ANXA7: variants seen among roughly 807,000 people sequenced by gnomAD.
The protein encoded by ANXA7 is annexin A7.
ANXA7 carries 55 observed loss-of-function variants against 64.9 expected under a neutral mutation model. The observed-to-expected ratio is 0.85, with a 90% CI of 0.68 to 1.06. ANXA7 has a LOEUF of 1.06. ANXA7 is among the 50% of genes least tolerant of loss of function. ANXA7 has a pLI of 0.00. For missense variants in ANXA7, 548 were observed against 582.1 expected, an observed-to-expected ratio of 0.94 and a Z score of 0.60; for synonymous variants, 200 against 192.4, an observed-to-expected ratio of 1.04 and a Z score of -0.33.
intron 3 of ANXA7, among the ~76,000 whole-genome samples, chr10:73,397,602 C>T (rs906689916): frequency 3.9e-5 from 6 of 152,122 alleles, no homozygotes; most frequent in Admixed American, 2.6e-4. Context: ...GGATTACAGG[C>T]ATGCACCACC....
chr10:73,393,420 A>T (rs1271987485), intron 5 of ANXA7, among the ~76,000 whole-genome samples: 1 of 152,210 alleles, frequency 6.6e-6, no homozygotes, highest in African/African-American at 2.4e-5. Context: ...AAGCCAAAAG[A>T]ACAAAGCTGG....
At chr10:73,394,214 C>T (rs528296022) in intron 5 of ANXA7, among the ~76,000 whole-genome samples, 2 of 152,136 alleles carry the variant, frequency 1.3e-5, no homozygotes, top group Non-Finnish European at 2.9e-5. Flanking sequence ...GCAAACAACA[C>T]GTGCTGGAGA....
chr10:73,382,638 G>A (rs1370939350), intron 9 of ANXA7, among the ~76,000 whole-genome samples: 1 of 152,176 alleles, frequency 6.6e-6, no homozygotes, highest in Non-Finnish European at 1.5e-5. Flanking sequence ...GAGGCACAAT[G>A]TCTGGCCCTA....
intron 1 of ANXA7, chr10:73,408,163 T>G (rs1477849199): frequency 6.6e-6 from 1 of 152,072 alleles, no homozygotes; most frequent in African/African-American, 2.4e-5. Flanking sequence ...TACAAAAATA[T>G]TTTAAAAATT....
At chr10:73,391,702 C>T (rs576114105) in intron 5 of ANXA7, among the ~76,000 whole-genome samples, 10 of 152,086 alleles carry the variant, frequency 6.6e-5, no homozygotes, top group Admixed American at 4.6e-4. Context: ...GATAAACTGG[C>T]CCAACTTCCC....
rs1226506578 is a variant in ANXA7, at chr10:73,387,877, G to A, written c.539-94C>T. 5 of 987,054 alleles carry A rather than the reference G, an allele frequency of 5.1e-6. No homozygotes were observed. In the East Asian group the frequency reaches 1.3e-4, roughly 25 times the overall value. The allele number at this position is 987,054 out of a possible 1,614,324, so 61.1% of individuals were successfully genotyped here. On this transcript the variant is annotated intron_variant, in intron 6 of 12. Coordinates refer to ENST00000372921, the MANE Select transcript of ANXA7 (RefSeq NM_001156.5). ...TTTTTTTTTTTTTTTTTGAGACGGA[G>A]TTTGTCACCCAGACTGGGGGTGCAA...
intron 8 of ANXA7, 85 bp from the exon 9 acceptor site, chr10:73,383,430 G>T: frequency 7.2e-7 from 1 of 1,391,748 alleles, no homozygotes; most frequent in Non-Finnish European, 9.8e-7. Flanking sequence ...TCTTTGTTCT[G>T]TAGAACTAAA....
At chr10:73,402,115 A>C (rs2055675764) in intron 1 of ANXA7, among the ~76,000 whole-genome samples, 1 of 152,208 alleles carries the variant, frequency 6.6e-6, no homozygotes, top group Admixed American at 6.5e-5. Context: ...ACATTATGGG[A>C]AACAATGGTA....
At chr10:73,410,691 A>T (rs982118455) in intron 1 of ANXA7, among the ~76,000 whole-genome samples, 1 of 151,144 alleles carries the variant, frequency 6.6e-6, no homozygotes, top group Non-Finnish European at 1.5e-5. Flanking sequence ...CTGAGTCAGG[A>T]GAATTGCTTG....
chr10:73,411,725 C>T (rs1464126454), intron 1 of ANXA7, among the ~76,000 whole-genome samples: 5 of 152,024 alleles, frequency 3.3e-5, no homozygotes, highest in South Asian at 2.1e-4. Flanking sequence ...AGCCACTGTG[C>T]GGGGCCATTG....
intron 1 of ANXA7, among the ~76,000 whole-genome samples, chr10:73,410,845 C>A (rs922070639): frequency 6.6e-6 from 1 of 151,176 alleles, no homozygotes; most frequent in Admixed American, 6.6e-5. Context: ...GAAAAGAGAC[C>A]GCTTATTACA....
intron 9 of ANXA7, among the ~76,000 whole-genome samples, chr10:73,382,789 G>T (rs963053361): frequency 4.6e-5 from 7 of 152,086 alleles, no homozygotes; most frequent in Non-Finnish European, 8.8e-5. Flanking sequence ...GCATTTCTGG[G>T]TCTCCTCACA....
chr10:73,380,072 T>C lies in ANXA7; in HGVS notation c.1048A>G (p.Ser350Gly). The change falls in exon 10 of 13, where the codon AGC becomes GGC. Residue 350 changes from serine (S) to glycine (G), a missense_variant. Transcript: ENST00000372921. ...SCFNMILATR[S>G]FPQLRATMEA... The stretch of plus-strand genomic sequence containing the variant: ...ATGGTAGCTCTCAGCTGAGGAAAGC[T>C]TCTTGTGGCAAGGATCATGTTAAAG... The C allele has an allele frequency of 6.2e-7, 1 of 1,614,154 alleles. No homozygotes were observed. Among genetic ancestry groups the C allele is most frequent in the Non-Finnish European group, 8.5e-7 (1 of 1,180,032 alleles).
chr10:73,381,134 G>A (rs2055268454), intron 9 of ANXA7, among the ~76,000 whole-genome samples: 1 of 152,004 alleles, frequency 6.6e-6, no homozygotes, highest in African/African-American at 2.4e-5. Context: ...AAACTCCTGG[G>A]TTCAAGTGAT....
In ANXA7 at chr10:73,398,254, C is replaced by A. The variant is rs375225097; in HGVS notation, c.186G>T (p.Ala62=). 4 of 1,613,976 alleles carry A rather than the reference C, an allele frequency of 2.5e-6. No homozygotes were observed. The highest frequency in any genetic ancestry group is 2.5e-6 in the Non-Finnish European group (3 of 1,179,998). ...CTCCAGGGGCTGGATAACCTCCAGG[C>A]GCAGGGTAGCCTCCAGCTCCTGGGT... ...SGYPGAGGYP[A]PGGYPAPGGY... is the part of the protein sequence containing the mutation. The change falls in exon 3 of 13, where the codon GCG becomes GCT. Residue 62 remains alanine, a synonymous_variant. Coordinates refer to ENST00000372921, the MANE Select transcript of ANXA7 (RefSeq NM_001156.5).
chr10:73,402,825 G>C (rs1271541204), intron 1 of ANXA7, among the ~76,000 whole-genome samples: 1 of 145,684 alleles, frequency 6.9e-6, no homozygotes, highest in African/African-American at 2.6e-5. Flanking sequence ...TAAAAACTCT[G>C]TTTCTTTTTT....
intron 1 of ANXA7, among the ~76,000 whole-genome samples, chr10:73,401,740 G>C (rs1170157286): frequency 6.6e-6 from 1 of 152,144 alleles, no homozygotes; most frequent in Admixed American, 6.5e-5. Flanking sequence ...AACCTCAGGT[G>C]AACCACCCAC....
chr10:73,410,816 A>T (rs2132706850), intron 1 of ANXA7, among the ~76,000 whole-genome samples: 1 of 151,344 alleles, frequency 6.6e-6, no homozygotes, highest in South Asian at 2.1e-4. Flanking sequence ...AAAACAATAG[A>T]TGTTGGTGTG....
intron 12 of ANXA7, 40 bp from the exon 13 acceptor site, chr10:73,376,257 G>T: frequency 6.6e-7 from 1 of 1,509,200 alleles, no homozygotes; most frequent in South Asian, 1.4e-5. Context: ...AAACATCTGT[G>T]ACAACTGACA....
Sources: allele counts gnomAD v4.1 joint callset (sites outside exome capture counted in the v4.1 genomes callset), GRCh38; gene constraint gnomAD v4.1.1; transcripts MANE v1.5; gene names NCBI Gene and HGNC (gene_info 2026-07-23, HGNC 2026-07-21).